Variants in ELL observed in about 807,000 individuals in gnomAD.
ELL encodes RNA polymerase II elongation factor ELL.
A neutral mutation model predicts 64.0 loss-of-function variants in ELL; 18 were observed. The observed-to-expected ratio is 0.28, with a 90% confidence interval of 0.19 to 0.42. The LOEUF is 0.42. Ranked by LOEUF, ELL falls within the 10% of genes least tolerant of loss-of-function variation. The probability of loss-of-function intolerance (pLI) is 1.00; values close to 1 mark genes in which losing one functional copy is unlikely to be tolerated. For synonymous variants in ELL, 399 were observed against 376.2 expected, an observed-to-expected ratio of 1.06 and a Z score of -0.70; for missense variants, 797 against 870.4, an observed-to-expected ratio of 0.92 and a Z score of 1.06.
intron 1 of ELL, among the ~76,000 whole-genome samples, chr19:18,489,826 C>T (rs925507730): frequency 2.0e-5 from 3 of 152,222 alleles, no homozygotes; most frequent in South Asian, 2.1e-4. Context: ...GATTGGGGTG[C>T]GAGGTTGGTC....
At chr19:18,459,753 C>T (rs534580446) in intron 5 of ELL, among the ~76,000 whole-genome samples, 13 of 152,034 alleles carry the variant, frequency 8.6e-5, no homozygotes. Context: ...GTCTCGATCT[C>T]CTGACCTCGT....
chr19:18,481,902 G>A (rs1975306461), intron 1 of ELL, among the ~76,000 whole-genome samples: 1 of 152,218 alleles, frequency 6.6e-6, no homozygotes, highest in African/African-American at 2.4e-5. Flanking sequence ...CAGAGTAGGT[G>A]TACATTTAAT....
chr19:18,476,113 G>A (rs1975169753), intron 1 of ELL, among the ~76,000 whole-genome samples: 1 of 152,230 alleles, frequency 6.6e-6, no homozygotes, highest in African/African-American at 2.4e-5. Context: ...GGCCCCAGGA[G>A]CACACGACCA....
intron 1 of ELL, among the ~76,000 whole-genome samples, chr19:18,495,721 G>A (rs558192361): frequency 2.2e-4 from 33 of 152,326 alleles, no homozygotes; most frequent in Admixed American, 4.6e-4. Context: ...CCCCCTGTAC[G>A]AGTGGCCACT....
At chr19:18,509,593 G>GCGCGCGCGCACA in intron 1 of ELL, among the ~76,000 whole-genome samples, 1 of 83,240 alleles carries the variant, frequency 1.2e-5, no homozygotes, top group Non-Finnish European at 2.9e-5. Flanking sequence ...GCGCGCGCGC[G>GCGCGCGCGCACA]CACATACACA....
chr19:18,480,751 C>T (rs1038381346), intron 1 of ELL, among the ~76,000 whole-genome samples: 6 of 152,174 alleles, frequency 3.9e-5, no homozygotes, highest in African/African-American at 1.4e-4. Context: ...CCTCCTGCCT[C>T]AGCTCCCGAG....
At chr19:18,500,735 C>A (rs7249760) in intron 1 of ELL, among the ~76,000 whole-genome samples, 1 of 151,944 alleles carries the variant, frequency 6.6e-6, no homozygotes, top group Admixed American at 6.5e-5. Context: ...TACCATTGTG[C>A]AAAATAGCTC....
chr19:18,446,108 C>A, intron 10 of ELL: 1 of 647,620 alleles, frequency 1.5e-6, no homozygotes, highest in Non-Finnish European at 2.5e-6. Context: ...AGCTGGGCTG[C>A]CTTCAAGGAC....
chr19:18,508,654 C>T (rs1450077294), intron 1 of ELL, among the ~76,000 whole-genome samples: 2 of 152,240 alleles, frequency 1.3e-5, no homozygotes, highest in Non-Finnish European at 2.9e-5. Context: ...CAGCTGGACA[C>T]CCTAGACCAG....
At chr19:18,461,296 C>T (rs960419027) in intron 5 of ELL, among the ~76,000 whole-genome samples, 4 of 152,224 alleles carry the variant, frequency 2.6e-5, no homozygotes, top group South Asian at 2.1e-4. Context: ...CCCCACGGCC[C>T]GTGTGTCAGC....
Position 18,450,902 on chromosome 19 carries a change from C to T in ELL, c.1040G>A (p.Arg347Lys). The T allele has an allele frequency of 6.4e-7, 1 of 1,559,528 alleles. No individual in the cohort carries two copies. Among genetic ancestry groups the T allele is most frequent in the Non-Finnish European group, 8.7e-7 (1 of 1,153,434 alleles). The part of the protein sequence containing the change: ...KKPRISHFTQ[R>K]AQPAVNGKLG... ...CTTCCCGTTGACGGCAGGCTGAGCT[C>T]TCTGAGTGAAGTGCGATATCCGGGG... is the stretch of plus-strand genomic sequence containing the variant. The change falls in exon 8 of 12, where the codon AGA becomes AAA. Residue 347 changes from arginine (R) to lysine (K), a missense_variant. Transcript: ENST00000262809.
Position 18,458,206 on chromosome 19 carries a change from G to T in ELL, c.868C>A (p.Arg290=). 2 of 1,609,214 alleles carry T rather than the reference G, an allele frequency of 1.2e-6. No individual in the cohort carries two copies. The highest frequency in any genetic ancestry group is 8.5e-7 in the Non-Finnish European group (1 of 1,179,900). ...CTGGGGGATGGGAGGCGGCATTACCGGACGAGCACCCGCTTCAGCAGCTGC... is the reference window on the plus strand; with the variant it reads ...CTGGGGGATGGGAGGCGGCATTACCTGACGAGCACCCGCTTCAGCAGCTGC... ...DQQLLKRVLV[R]KLCQPQSTGS... Residue 290 remains arginine (R), a splice_region_variant and synonymous_variant, in exon 6 of 12, where the codon CGG becomes AGG. Coordinates refer to ENST00000262809, the MANE Select transcript of ELL (RefSeq NM_006532.4).
At position 18,443,034 on chromosome 19, in the gene ELL, G is replaced by C. The variant is rs1250105369; in HGVS notation, c.*1718C>G. Reference sequence around the variant, plus strand: ...CAACAACAAAAAGGCAAATTCAACTGACAGCCCCTTGGACTGGTTCCCAGG... The same window carrying C: ...CAACAACAAAAAGGCAAATTCAACTCACAGCCCCTTGGACTGGTTCCCAGG... On this transcript the variant is annotated 3_prime_UTR_variant, in exon 12 of 12. Transcript: ENST00000262809. 1 of 232,300 alleles carries C rather than the reference G, an allele frequency of 4.3e-6. No individual in the cohort carries two copies. Among genetic ancestry groups the C allele is most frequent in the Non-Finnish European group, 8.5e-6 (1 of 117,482 alleles). The allele number at this position is 232,300 out of a possible 1,614,324, so 14.4% of individuals were successfully genotyped here. A position where few individuals can be genotyped will look rare whatever the true frequency, so the allele number is the denominator to read the frequency against.
At chr19:18,480,388 T>C (rs1253526745) in intron 1 of ELL, among the ~76,000 whole-genome samples, 1 of 152,198 alleles carries the variant, frequency 6.6e-6, no homozygotes, top group African/African-American at 2.4e-5. Context: ...CCCAGTGAGC[T>C]TGGTTGGCTC....
chr19:18,465,588 G>C lies in ELL; in HGVS notation c.306-13C>G. ...AACTTCCCCATGACTGCAAGACAAG[G>C]CCAGGAGCTGGGGTCAGCAGCTGGG... On this transcript the variant is annotated splice_polypyrimidine_tract_variant and intron_variant, in intron 3 of 11. Coordinates refer to ENST00000262809, the MANE Select transcript of ELL (RefSeq NM_006532.4). 6.3e-7 allele frequency: 1 copy of C among 1,575,350 alleles called. No individual in the cohort carries two copies. The highest frequency in any genetic ancestry group is 8.7e-7 in the Non-Finnish European group (1 of 1,152,630).
At chr19:18,472,908 A>G (rs1975095378) in intron 1 of ELL, 26 bp from the exon 2 acceptor site, 1 of 1,537,380 alleles carries the variant, frequency 6.5e-7, no homozygotes, top group Admixed American at 2.0e-5. Flanking sequence ...AAAAAAAAAA[A>G]AGGTGAGGGG....
At chr19:18,515,744 G>A (rs949624498) in intron 1 of ELL, among the ~76,000 whole-genome samples, 1 of 152,150 alleles carries the variant, frequency 6.6e-6, no homozygotes, top group African/African-American at 2.4e-5. Flanking sequence ...TTTAAGTGAG[G>A]CTCAGGACCC....
intron 5 of ELL, among the ~76,000 whole-genome samples, chr19:18,460,282 C>A (rs991515160): frequency 6.6e-6 from 1 of 152,220 alleles, no homozygotes; most frequent in Non-Finnish European, 1.5e-5. Context: ...CTGACCCCCA[C>A]AGCTGCTTGG....
intron 1 of ELL, among the ~76,000 whole-genome samples, chr19:18,496,032 G>A (rs1215546214): frequency 1.3e-5 from 2 of 152,208 alleles, no homozygotes; most frequent in Non-Finnish European, 2.9e-5. Flanking sequence ...TATGGGGACT[G>A]CAGAGGGCGT....
Sources: gnomAD v4.1 joint callset for allele counts (sites outside exome capture counted in the v4.1 genomes callset) on GRCh38, gnomAD v4.1.1 for gene constraint, MANE v1.5 for transcripts, NCBI Gene and HGNC (gene_info 2026-07-23, HGNC 2026-07-21) for gene names.